Variants in NEBL observed in about 807,000 individuals in gnomAD.
NEBL encodes LIM and SH3 protein 2.
In NEBL, 122 loss-of-function variants were observed where a neutral mutation model predicts 140.2. That is an observed-to-expected ratio of 0.87 (90% CI 0.75 to 1.01). The LOEUF (loss-of-function observed/expected upper bound fraction) is 1.01, where lower values mean the gene tolerates loss of function less well. Among genes scored for constraint, NEBL ranks in the 50% least tolerant of loss-of-function variants. The pLI, the probability that NEBL is intolerant of heterozygous loss-of-function variation, is 0.00. For missense variants in NEBL, 1,365 were observed against 1,231.3 expected (o/e 1.11, Z -1.62); for synonymous variants, 436 against 398.9 (o/e 1.09, Z -1.11).
chr10:21,233,837 G>GT (rs1842303918), intron 3 of NEBL, among the ~76,000 whole-genome samples: 4 of 117,896 alleles, frequency 3.4e-5, no homozygotes, highest in South Asian at 6.3e-4. Flanking sequence ...GCATATATAT[G>GT]GATATATATT....
intron 1 of NEBL, among the ~76,000 whole-genome samples, chr10:21,274,087 C>T (rs774197461): frequency 6.6e-6 from 1 of 152,128 alleles, no homozygotes; most frequent in Non-Finnish European, 1.5e-5. Flanking sequence ...TTCTAACTAC[C>T]ATTTTGTGAG....
At chr10:21,125,994 G>A (rs1838809108) in intron 2 of NEBL, 1 of 1,614,200 alleles carries the variant, frequency 6.2e-7, no homozygotes, top group Non-Finnish European at 8.5e-7. Flanking sequence ...TGGGCGGCTT[G>A]TAGAGACTGA....
intron 14 of NEBL, among the ~76,000 whole-genome samples, chr10:20,832,765 A>G (rs1459480451): frequency 6.6e-6 from 1 of 152,182 alleles, no homozygotes; most frequent in African/African-American, 2.4e-5. Context: ...GGTAAACAAA[A>G]ATCTCAGTCT....
intron 1 of NEBL, among the ~76,000 whole-genome samples, chr10:21,261,399 A>G (rs977048717): frequency 6.6e-6 from 1 of 152,124 alleles, no homozygotes; most frequent in Non-Finnish European, 1.5e-5. Context: ...AGCGGCTCAC[A>G]CTGTAAGCCT....
chr10:21,103,226 T>G (rs1002144704), intron 2 of NEBL, among the ~76,000 whole-genome samples: 13 of 151,668 alleles, frequency 8.6e-5, no homozygotes, highest in Admixed American at 2.6e-4. Context: ...TTTTTTTTTT[T>G]TTTTGAGATG....
intron 1 of NEBL, among the ~76,000 whole-genome samples, chr10:21,287,440 G>T (rs1208601343): frequency 6.6e-6 from 1 of 152,160 alleles, no homozygotes; most frequent in Non-Finnish European, 1.5e-5. Context: ...GGAGGCTGAG[G>T]CAAAAGAATA....
intron 2 of NEBL, among the ~76,000 whole-genome samples, chr10:21,131,749 C>T (rs1839118639): frequency 6.7e-6 from 1 of 148,188 alleles, no homozygotes; most frequent in Non-Finnish European, 1.5e-5. Flanking sequence ...TTATTTCCTC[C>T]AACCACAAAG....
intron 2 of NEBL, among the ~76,000 whole-genome samples, chr10:21,086,241 T>G (rs747813652): frequency 6.6e-6 from 1 of 152,184 alleles, no homozygotes; most frequent in Non-Finnish European, 1.5e-5. Context: ...TTTAGAAATA[T>G]CCCAGAAAAA....
At chr10:21,113,111 G>T in intron 2 of NEBL, 1 of 242,426 alleles carries the variant, frequency 4.1e-6, no homozygotes. Context: ...AGGAGGAGGC[G>T]GAGGAAGTGG....
intron 26 of NEBL, among the ~76,000 whole-genome samples, chr10:20,798,677 TTA>T (rs1836810869): frequency 6.6e-6 from 1 of 152,190 alleles, no homozygotes; most frequent in Non-Finnish European, 1.5e-5. Flanking sequence ...AGAGCCACAT[TTA>T]TGTTCTTCCT....
chr10:20,897,016 G>A lies in NEBL; in HGVS notation c.95C>T (p.Pro32Leu), dbSNP rs1250797813. The A allele has an allele frequency of 6.2e-7, 1 of 1,613,082 alleles. No individual in the cohort carries two copies. Among genetic ancestry groups the A allele is most frequent in the Non-Finnish European group, 8.5e-7 (1 of 1,179,504 alleles). Residue 32 changes from proline (P) to leucine (L), a missense_variant, in exon 2 of 28, where the codon CCT (proline) becomes CTT (leucine). Physicochemically the swap from Pro to Leu is moderately conservative, Grantham distance 98 (BLOSUM62 -3). Coordinates refer to ENST00000377122, the MANE Select transcript of NEBL (RefSeq NM_006393.3). ...ENEEDQVFYK[P>L]VIEDLSMELA... Reference sequence around the variant, plus strand: ...TTCCATGCTTAAGTCTTCAATAACAGGCTTATAGAAGACCTATTTGAAAAA... The same window carrying A: ...TTCCATGCTTAAGTCTTCAATAACAAGCTTATAGAAGACCTATTTGAAAAA...
At chr10:21,227,042 C>G (rs994639490) in intron 3 of NEBL, among the ~76,000 whole-genome samples, 1 of 152,102 alleles carries the variant, frequency 6.6e-6, no homozygotes, top group Non-Finnish European at 1.5e-5. Context: ...CAATTCAATT[C>G]TTAATATATT....
chr10:20,900,845 G>GAAA (rs371663324), upstream of NEBL, among the ~76,000 whole-genome samples: 7 of 103,408 alleles, frequency 6.8e-5, no homozygotes, highest in African/African-American at 7.5e-5. Context: ...ACTCCATCCC[G>GAAA]AAAAAAAAAG....
At chr10:21,269,985 T>C (rs1842843133) in intron 1 of NEBL, among the ~76,000 whole-genome samples, 1 of 152,226 alleles carries the variant, frequency 6.6e-6, no homozygotes, top group Non-Finnish European at 1.5e-5. Flanking sequence ...AAATTCTCTA[T>C]TGCTTCTGTG....
At chr10:21,079,978 A>G (rs1008910981) in intron 2 of NEBL, among the ~76,000 whole-genome samples, 1 of 152,218 alleles carries the variant, frequency 6.6e-6, no homozygotes, top group Non-Finnish European at 1.5e-5. Flanking sequence ...CTGTATATCA[A>G]TAAGTCTTAC....
intron 1 of NEBL, among the ~76,000 whole-genome samples, chr10:21,263,235 C>T (rs911492139): frequency 6.6e-6 from 1 of 152,168 alleles, no homozygotes; most frequent in Non-Finnish European, 1.5e-5. Context: ...TTGTACTGCT[C>T]ACTGCATCAC....
At chr10:21,288,839 T>TATATATATATAC (rs1843102467) in intron 1 of NEBL, among the ~76,000 whole-genome samples, 1 of 86,574 alleles carries the variant, frequency 1.2e-5, no homozygotes, top group Non-Finnish European at 2.2e-5. Flanking sequence ...TATATATATA[T>TATATATATATAC]ATATATATAT....
chr10:21,190,965 A>G (rs1841563988), intron 3 of NEBL, among the ~76,000 whole-genome samples: 1 of 152,226 alleles, frequency 6.6e-6, no homozygotes, highest in East Asian at 1.9e-4. Context: ...GAACATTTCC[A>G]GAAAGGAACT....
intron 2 of NEBL, among the ~76,000 whole-genome samples, chr10:21,249,941 G>A (rs1842566195): frequency 6.6e-6 from 1 of 152,026 alleles, no homozygotes; most frequent in African/African-American, 2.4e-5. Context: ...GTACACACCT[G>A]TAATCCCAGC....
Sources: allele counts gnomAD v4.1 joint callset (sites outside exome capture counted in the v4.1 genomes callset), GRCh38; gene constraint gnomAD v4.1.1; transcripts MANE v1.5; gene names NCBI Gene and HGNC (gene_info 2026-07-23, HGNC 2026-07-21).